EGFLAM: variants seen among roughly 807,000 people sequenced by gnomAD.
EGFLAM encodes the protein pikachurin.
In EGFLAM, 79 loss-of-function variants were observed where a neutral mutation model predicts 113.1. The observed-to-expected ratio is 0.70, with a 90% confidence interval of 0.58 to 0.84. The LOEUF (loss-of-function observed/expected upper bound fraction) is 0.84. Ranked by LOEUF, EGFLAM falls within the 40% of genes least tolerant of loss-of-function variation. EGFLAM has a pLI of 0.00. For synonymous variants in EGFLAM, 504 were observed against 487.6 expected, an observed-to-expected ratio of 1.03 and a Z score of -0.44; for missense variants, 1,265 against 1,291.6, an observed-to-expected ratio of 0.98 and a Z score of 0.32.
intron 11 of EGFLAM, among the ~76,000 whole-genome samples, chr5:38,417,347 CAAAAAAAAAA>C (rs752613827): frequency 1.3e-5 from 1 of 78,474 alleles, no homozygotes; most frequent in African/African-American, 5.1e-5. Flanking sequence ...GACTCTGTCT[CAAAAAAAAAA>C]AAAAAAAAAA....
intron 1 of EGFLAM, among the ~76,000 whole-genome samples, chr5:38,294,492 C>A (rs1758406904): frequency 1.3e-5 from 2 of 152,136 alleles, no homozygotes; most frequent in South Asian, 4.2e-4. Context: ...ATCTAACCTA[C>A]CCCTATAGCC....
intron 5 of EGFLAM, among the ~76,000 whole-genome samples, chr5:38,360,819 A>ATTATTTATTCATTTAT (rs1416550934): frequency 7.1e-6 from 1 of 141,820 alleles, no homozygotes; most frequent in African/African-American, 2.7e-5. Context: ...GTGTTTTGAA[A>ATTATTTATTCATTTAT]TTATTTATTT....
intron 11 of EGFLAM, among the ~76,000 whole-genome samples, chr5:38,415,231 T>C (rs781387724): frequency 3.3e-5 from 5 of 151,558 alleles, no homozygotes; most frequent in Non-Finnish European, 7.4e-5. Context: ...GGCGTGGTGG[T>C]GGGCGCCTGT....
At chr5:38,394,451 C>G (rs1740900361) in intron 6 of EGFLAM, among the ~76,000 whole-genome samples, 1 of 151,962 alleles carries the variant, frequency 6.6e-6, no homozygotes, top group African/African-American at 2.4e-5. Context: ...GCTCTGTCTC[C>G]CAGGCTGGAG....
At chr5:38,391,356 C>G (rs1213535995) in intron 6 of EGFLAM, among the ~76,000 whole-genome samples, 1 of 150,844 alleles carries the variant, frequency 6.6e-6, no homozygotes, top group Non-Finnish European at 1.5e-5. Flanking sequence ...TTTAATACCA[C>G]AGTGTTTTAA....
intron 4 of EGFLAM, 52 bp from the exon 5 acceptor site, chr5:38,352,144 C>G: frequency 6.2e-7 from 1 of 1,611,236 alleles, no homozygotes; most frequent in Non-Finnish European, 8.5e-7. Flanking sequence ...TTAAACCTCT[C>G]CAACGGCTGA....
chr5:38,274,714 C>T (rs77581124), intron 1 of EGFLAM, among the ~76,000 whole-genome samples: 1 of 152,070 alleles, frequency 6.6e-6, no homozygotes. Flanking sequence ...GGGAGTTCCT[C>T]AGGCTGAAAG....
At chr5:38,321,670 A>G (rs1007706696) in intron 1 of EGFLAM, among the ~76,000 whole-genome samples, 1 of 152,148 alleles carries the variant, frequency 6.6e-6, no homozygotes, top group Non-Finnish European at 1.5e-5. Flanking sequence ...CTGAGTCTAA[A>G]CAGGAACCAC....
rs191396819 is a variant in EGFLAM, at chr5:38,278,748, C to T, written c.97+19897C>T. Among the ~76,000 whole-genome samples the T allele has an allele frequency of 3.7e-4, 56 of 152,026 alleles. 1 individual carries two copies. In the East Asian group the frequency reaches 6.6e-3, roughly 18 times the overall value. On this transcript the variant is annotated intron_variant, in intron 1 of 21. Coordinates refer to ENST00000322350, the MANE Select transcript of EGFLAM (RefSeq NM_152403.4). ...AAATGATCCACCTGGCTTGGCCTCC[C>T]AAAGTGCTAGGATTACAGGCATGAG...
intron 1 of EGFLAM, among the ~76,000 whole-genome samples, chr5:38,312,462 G>A (rs1265840122): frequency 6.6e-6 from 1 of 151,934 alleles, no homozygotes; most frequent in African/African-American, 2.4e-5. Context: ...GGATGGTCTT[G>A]ATCTGCTGAC....
At chr5:38,369,932 C>T (rs989544308) in intron 5 of EGFLAM, among the ~76,000 whole-genome samples, 1 of 152,112 alleles carries the variant, frequency 6.6e-6, no homozygotes, top group Non-Finnish European at 1.5e-5. Context: ...TTCTTCTGAC[C>T]TCTGGGGATG....
intron 6 of EGFLAM, among the ~76,000 whole-genome samples, chr5:38,389,350 A>G (rs76664109): frequency 6.6e-6 from 1 of 152,280 alleles, no homozygotes; most frequent in African/African-American, 2.4e-5. Context: ...TGATTTTTCT[A>G]AAGCATCTTA....
At chr5:38,372,106 G>A (rs1412094177) in intron 6 of EGFLAM, among the ~76,000 whole-genome samples, 2 of 151,978 alleles carry the variant, frequency 1.3e-5, no homozygotes, top group South Asian at 2.1e-4. Flanking sequence ...CTGGAGTCAG[G>A]GAAGGATGGG....
At position 38,411,819 on chromosome 5, in the gene EGFLAM, T is replaced by G. The variant is rs535587228; in HGVS notation, c.1350-685T>G. ...AAACTTTTATTTTTTTATTTTTATT[T>G]ATTTTTGAGACAGAGTTTCACTCTG... On this transcript the variant is annotated intron_variant, in intron 10 of 21. Transcript: ENST00000322350. Among the ~76,000 whole-genome samples, 7 of 152,128 alleles carry G rather than the reference T, an allele frequency of 4.6e-5. No homozygotes were observed. In the East Asian group the frequency reaches 1.2e-3, roughly 25 times the overall value.
chr5:38,324,877 G>T (rs1317814908), intron 1 of EGFLAM, among the ~76,000 whole-genome samples: 1 of 152,168 alleles, frequency 6.6e-6, no homozygotes, highest in Non-Finnish European at 1.5e-5. Context: ...TCAACTTGAC[G>T]CTGAGGGTGA....
In EGFLAM at chr5:38,427,113, A is replaced by T; in HGVS notation, c.1915A>T (p.Ile639Phe). ...TTACCTTTCCTTCATGGAATTTGAGATCACATTTCGGCCAGACTCAGGAGA... is the reference window on the plus strand; with the variant it reads ...TTACCTTTCCTTCATGGAATTTGAGTTCACATTTCGGCCAGACTCAGGAGA... Reference protein sequence around the residue: ...QHYLSFMEFEITFRPDSGDGV... With the variant: ...QHYLSFMEFEFTFRPDSGDGV... The change falls in exon 14 of 22, where the codon ATC becomes TTC. Residue 639 changes from isoleucine to phenylalanine, a missense_variant. Coordinates refer to ENST00000322350, the MANE Select transcript of EGFLAM (RefSeq NM_152403.4). 6.2e-7 allele frequency: 1 copy of T among 1,614,004 alleles called. No individual in the cohort carries two copies. The highest frequency in any genetic ancestry group is 8.5e-7 in the Non-Finnish European group (1 of 1,180,022).
intron 5 of EGFLAM, among the ~76,000 whole-genome samples, chr5:38,362,958 G>A (rs181705250): frequency 6.6e-6 from 1 of 152,338 alleles, no homozygotes; most frequent in East Asian, 1.9e-4. Context: ...TTTGTAAACT[G>A]TAAATGAAGT....
Position 38,431,215 on chromosome 5 carries a change from T to C in EGFLAM, c.2093T>C (p.Leu698Pro), listed in dbSNP as rs756406328. 1 of 1,614,176 alleles carries C rather than the reference T, an allele frequency of 6.2e-7. No individual in the cohort carries two copies. The highest frequency in any genetic ancestry group is 1.7e-5 in the Admixed American group (1 of 60,018). Residue 698 changes from leucine to proline, a missense_variant, in exon 15 of 22, where the codon CTT becomes CCT. Leu to Pro is a moderately conservative substitution (Grantham distance 98, BLOSUM62 -3). Transcript: ENST00000322350. ...DPLTLGNWHE[L>P]RVSRTAKNGI... is the part of the protein sequence containing the mutation. ...CTCACCCTGGGCAACTGGCACGAGC[T>C]TCGTGTATCTCGCACAGCAAAGAAT...
At chr5:38,271,617 T>G (rs16903919) in intron 1 of EGFLAM, among the ~76,000 whole-genome samples, 1,696 of 152,312 alleles carry the variant, frequency 0.011, 33 homozygotes, top group African/African-American at 0.039. Flanking sequence ...CCTTGGAATA[T>G]CCTTCCGTTA....
Sources: allele counts gnomAD v4.1 joint callset (sites outside exome capture counted in the v4.1 genomes callset), GRCh38; gene constraint gnomAD v4.1.1; transcripts MANE v1.5; gene names NCBI Gene and HGNC (gene_info 2026-07-23, HGNC 2026-07-21).